Variants in LMF1 observed in about 807,000 individuals in gnomAD.
The protein encoded by LMF1 is lipase maturation factor 1, also known as transmembrane protein 112.
A neutral mutation model predicts 60.6 loss-of-function variants in LMF1; 68 were observed. The observed-to-expected ratio is 1.12, with a 90% CI of 0.92 to 1.37. LMF1 has a LOEUF of 1.37. Among genes scored for constraint, LMF1 ranks in the 40% most tolerant of loss-of-function variants. LMF1 has a pLI of 0.00. For missense variants in LMF1, 948 were observed against 767.2 expected (o/e 1.24, Z -2.78); for synonymous variants, 418 against 324.7 (o/e 1.29, Z -3.09).
At chr16:926,831 A>G (rs1474596316) in intron 3 of LMF1, among the ~76,000 whole-genome samples, 1 of 151,958 alleles carries the variant, frequency 6.6e-6, no homozygotes, top group Non-Finnish European at 1.5e-5. Flanking sequence ...CCGGGTCCCC[A>G]TTTGCCACCT....
intron 5 of LMF1, among the ~76,000 whole-genome samples, chr16:883,252 G>C (rs2070217884): frequency 6.7e-6 from 1 of 149,248 alleles, no homozygotes; most frequent in Non-Finnish European, 1.5e-5. Context: ...GCCTATCACA[G>C]GACCAGGAGA....
At chr16:930,023 G>A (rs143368026) in intron 3 of LMF1, among the ~76,000 whole-genome samples, 66 of 149,994 alleles carry the variant, frequency 4.4e-4, no homozygotes, top group African/African-American at 1.6e-3. Flanking sequence ...GGTCGCGTCC[G>A]TGTGAACGGG....
chr16:949,023 A>G (rs1453767551), intron 2 of LMF1, among the ~76,000 whole-genome samples: 1 of 101,284 alleles, frequency 9.9e-6, no homozygotes, highest in Non-Finnish European at 2.1e-5. Flanking sequence ...CGACAGAGTC[A>G]GTCAATGACA....
intron 3 of LMF1, among the ~76,000 whole-genome samples, chr16:930,251 G>A (rs1011876163): frequency 1.9e-4 from 27 of 139,584 alleles, no homozygotes; most frequent in Non-Finnish European, 3.3e-4. Flanking sequence ...AGCAGCAGTC[G>A]CGTCCGTCTG....
Position 853,671 on chromosome 16 carries a change from TAGA to T in LMF1, c.*858_*860del, listed in dbSNP as rs1042961941. ...CTGGTAAGTGGTATAATAGGAATAG[TAGA>T]AGAATATGCCATAGCTATGGCTCAA... On this transcript the variant is annotated 3_prime_UTR_variant, in exon 11 of 11. Transcript: ENST00000262301. 47 of 453,912 alleles carry T rather than the reference TAGA, an allele frequency of 1.0e-4. No individual in the cohort carries two copies. The highest frequency in any genetic ancestry group is 7.8e-4 in the African/African-American group (39 of 50,118). 28.1% of individuals were successfully genotyped at this position (453,912 alleles called of 1,614,324 possible).
At chr16:905,797 C>T (rs1346742079) in intron 4 of LMF1, among the ~76,000 whole-genome samples, 3 of 152,010 alleles carry the variant, frequency 2.0e-5, no homozygotes, top group African/African-American at 7.3e-5. Context: ...CTTTTTCTTT[C>T]AGGGTCTCAC....
At chr16:964,060 C>T (rs746406771) in intron 1 of LMF1, 13 of 455,480 alleles carry the variant, frequency 2.9e-5, no homozygotes, top group South Asian at 1.7e-4. Flanking sequence ...GGAGCTGCAA[C>T]GAGGAAATAC....
chr16:926,033 C>A (rs963142166), intron 3 of LMF1, among the ~76,000 whole-genome samples: 2 of 148,062 alleles, frequency 1.4e-5, no homozygotes, highest in Admixed American at 1.4e-4. Context: ...GGTCTGCATA[C>A]CTGTGTGCGC....
upstream of LMF1, among the ~76,000 whole-genome samples, chr16:974,462 G>C (rs2073098193): frequency 6.6e-6 from 1 of 152,156 alleles, no homozygotes; most frequent in Admixed American, 6.5e-5. Flanking sequence ...GAGGGGAGTG[G>C]AGATGAGGCT....
intron 5 of LMF1, among the ~76,000 whole-genome samples, chr16:880,686 A>G (rs1197562662): frequency 2.6e-5 from 4 of 152,222 alleles, no homozygotes; most frequent in Admixed American, 6.5e-5. Flanking sequence ...CGATCCATCA[A>G]TCAAGTCAGA....
chr16:928,197 T>TG (rs1358352467), intron 3 of LMF1, among the ~76,000 whole-genome samples: 1 of 152,170 alleles, frequency 6.6e-6, no homozygotes, highest in Non-Finnish European at 1.5e-5. Context: ...GCTACGTGGA[T>TG]GGGCCCCCCC....
upstream of LMF1, among the ~76,000 whole-genome samples, chr16:974,409 ACT>A (rs1439869184): frequency 6.6e-6 from 1 of 151,942 alleles, no homozygotes; most frequent in African/African-American, 2.4e-5. Flanking sequence ...TCAAGCAAAA[ACT>A]CTAAGAGAAA....
intron 3 of LMF1, chr16:933,503 A>G (rs868013957): frequency 1.2e-5 from 2 of 162,012 alleles, no homozygotes; most frequent in South Asian, 1.7e-4. Context: ...CTCTCCTGGG[A>G]AAGGGGCCGA....
intron 3 of LMF1, chr16:931,684 G>C: frequency 7.8e-7 from 1 of 1,287,202 alleles, no homozygotes; most frequent in Non-Finnish European, 1.0e-6. Context: ...TCAGGGAAGG[G>C]AAGACAGTTC....
chr16:925,062 C>A (rs2071556587), intron 3 of LMF1, among the ~76,000 whole-genome samples: 1 of 152,230 alleles, frequency 6.6e-6, no homozygotes, highest in South Asian at 2.1e-4. Context: ...TCCCCAAATG[C>A]CTGCTGGGCT....
chr16:887,630 C>T (rs2070348221), intron 5 of LMF1, among the ~76,000 whole-genome samples: 1 of 152,156 alleles, frequency 6.6e-6, no homozygotes. Context: ...GAGCCCAGCC[C>T]AGAGAGGGCT....
intron 2 of LMF1, among the ~76,000 whole-genome samples, chr16:949,776 C>T (rs1456134123): frequency 9.8e-6 from 1 of 101,712 alleles, no homozygotes; most frequent in Non-Finnish European, 1.8e-5. Context: ...ACAGAGTCAG[C>T]CAATGACAGA....
chr16:971,108 C>G (rs746644546), upstream of LMF1: 3 of 1,003,930 alleles, frequency 3.0e-6, no homozygotes, highest in East Asian at 3.3e-5. Flanking sequence ...CGGGAGGCCC[C>G]GCTCACAGTC....
chr16:875,315 G>A (rs1038916765), intron 6 of LMF1, among the ~76,000 whole-genome samples: 1 of 152,126 alleles, frequency 6.6e-6, no homozygotes, highest in African/African-American at 2.4e-5. Flanking sequence ...CCGCAGCCTG[G>A]CCGTCATGCT....
Sources: allele counts gnomAD v4.1 joint callset (sites outside exome capture counted in the v4.1 genomes callset), GRCh38; gene constraint gnomAD v4.1.1; transcripts MANE v1.5; gene names NCBI Gene and HGNC (gene_info 2026-07-23, HGNC 2026-07-21).